The following OXCT1 variants were observed in gnomAD, a reference collection of about 807,000 sequenced individuals.
OXCT1 encodes the protein 3-oxoacid CoA-transferase 1, also known as succinyl-CoA:3-ketoacid coenzyme A transferase 1, mitochondrial.
Under a neutral mutation model 69.6 loss-of-function variants are expected in OXCT1, and 27 were observed. That is an observed-to-expected ratio of 0.39 (90% CI 0.29 to 0.54). OXCT1 has a LOEUF of 0.54. Among genes scored for constraint, OXCT1 ranks in the 20% least tolerant of loss-of-function variants. The pLI, the probability that OXCT1 is intolerant of heterozygous loss-of-function variation, is 0.72. For synonymous variants in OXCT1, 202 were observed against 217.8 expected, an observed-to-expected ratio of 0.93 and a Z score of 0.64; for missense variants, 437 against 650.2, an observed-to-expected ratio of 0.67 and a Z score of 3.57.
chr5:41,851,611 C>G lies in OXCT1; in HGVS notation c.415-1432G>C, dbSNP rs528892879. ...GATCCCCACCATCGATACTCCTCCC[C>G]CTAGCCTTCAGGCTGCAAAATAAGC... is the stretch of plus-strand genomic sequence containing the variant. On this transcript the variant is annotated intron_variant, in intron 4 of 16. Transcript: ENST00000196371. Among the ~76,000 whole-genome samples, 3 of 152,226 alleles carry G rather than the reference C, an allele frequency of 2.0e-5. No homozygotes were observed. In the East Asian group the frequency reaches 5.8e-4, roughly 29 times the overall value.
intron 13 of OXCT1, among the ~76,000 whole-genome samples, chr5:41,771,742 T>C (rs1294749944): frequency 6.6e-6 from 1 of 152,192 alleles, no homozygotes; most frequent in Non-Finnish European, 1.5e-5. Flanking sequence ...TGAATATAGC[T>C]AAGCACTGGA....
At chr5:41,859,625 G>T (rs1749623944) in intron 3 of OXCT1, among the ~76,000 whole-genome samples, 1 of 151,876 alleles carries the variant, frequency 6.6e-6, no homozygotes, top group Non-Finnish European at 1.5e-5. Context: ...CCCAGGAATT[G>T]GTTAGCCCTT....
chr5:41,861,082 A>C (rs1749709959), intron 3 of OXCT1, among the ~76,000 whole-genome samples: 1 of 152,142 alleles, frequency 6.6e-6, no homozygotes, highest in Admixed American at 6.6e-5. Context: ...ATAAAGTCTT[A>C]ATTTATATCT....
intron 7 of OXCT1, among the ~76,000 whole-genome samples, chr5:41,834,289 C>T (rs1448575306): frequency 1.3e-5 from 2 of 151,718 alleles, no homozygotes; most frequent in Non-Finnish European, 2.9e-5. Flanking sequence ...CAAAATGGCA[C>T]GAATAAGTCC....
intron 7 of OXCT1, among the ~76,000 whole-genome samples, chr5:41,835,157 T>C (rs1748290218): frequency 6.6e-6 from 1 of 152,058 alleles, no homozygotes; most frequent in Admixed American, 6.6e-5. Flanking sequence ...TTAAAACTCA[T>C]AAGAAATTCA....
At chr5:41,795,050 G>T (rs1579752477) in intron 11 of OXCT1, among the ~76,000 whole-genome samples, 1 of 152,138 alleles carries the variant, frequency 6.6e-6, no homozygotes, top group East Asian at 1.9e-4. Flanking sequence ...CGGTTTTATG[G>T]AAGACAATTT....
At chr5:41,814,356 C>G (rs1747127056) in intron 7 of OXCT1, among the ~76,000 whole-genome samples, 1 of 152,022 alleles carries the variant, frequency 6.6e-6, no homozygotes, top group Non-Finnish European at 1.5e-5. Context: ...TTTAGCTAAC[C>G]ACCAGCACAA....
chr5:41,867,533 G>C (rs1439468157), intron 1 of OXCT1, among the ~76,000 whole-genome samples: 3 of 152,208 alleles, frequency 2.0e-5, no homozygotes, highest in African/African-American at 7.2e-5. Flanking sequence ...GTGATCAATT[G>C]GAAGTGCAGC....
At chr5:41,805,350 C>A (rs1410389494) in intron 9 of OXCT1, among the ~76,000 whole-genome samples, 2 of 151,600 alleles carry the variant, frequency 1.3e-5, no homozygotes, top group African/African-American at 4.8e-5. Flanking sequence ...TTATTGATTG[C>A]CATTTTGTTT....
In OXCT1 at chr5:41,853,889, C is replaced by T. The variant is rs116569938; in HGVS notation, c.279-335G>A. On this transcript the variant is annotated intron_variant, in intron 3 of 16. Transcript: ENST00000196371. ...TACCCCGCACCTTTTGTTATTTTCA[C>T]GGCTGCAGAGTGATTCTGAGTTAGA... Among the ~76,000 whole-genome samples, 889 of 152,216 alleles carry T rather than the reference C, an allele frequency of 5.8e-3. 9 individuals carry two copies. The highest frequency in any genetic ancestry group is 0.02 in the African/African-American group (843 of 41,532).
At chr5:41,734,736 CTA>C (rs1440579120) in intron 16 of OXCT1, among the ~76,000 whole-genome samples, 1 of 152,090 alleles carries the variant, frequency 6.6e-6, no homozygotes, top group East Asian at 1.9e-4. Context: ...AGACAGAAGA[CTA>C]TATCGAACTT....
intron 7 of OXCT1, among the ~76,000 whole-genome samples, chr5:41,819,378 TG>T (rs201059180): frequency 1.3e-5 from 1 of 78,244 alleles, no homozygotes; most frequent in African/African-American, 4.8e-5. Flanking sequence ...TGGGGGGGAT[TG>T]GGGGGGCAGG....
chr5:41,838,169 G>C (rs184752826), intron 7 of OXCT1, among the ~76,000 whole-genome samples: 1 of 152,270 alleles, frequency 6.6e-6, no homozygotes, highest in African/African-American at 2.4e-5. Context: ...GGCCAGCGCA[G>C]GTAACGGAGT....
chr5:41,733,599 C>G (rs1277486942), intron 16 of OXCT1, among the ~76,000 whole-genome samples: 2 of 152,144 alleles, frequency 1.3e-5, no homozygotes, highest in East Asian at 3.9e-4. Context: ...TGCTTCATAG[C>G]ACTTCCTTTA....
chr5:41,844,541 T>C (rs1168765655), intron 5 of OXCT1, among the ~76,000 whole-genome samples: 1 of 152,052 alleles, frequency 6.6e-6, no homozygotes, highest in Non-Finnish European at 1.5e-5. Flanking sequence ...CGAGGTGCTC[T>C]GCACTCAGCC....
intron 1 of OXCT1, among the ~76,000 whole-genome samples, chr5:41,865,665 C>T (rs903881196): frequency 6.6e-6 from 1 of 152,088 alleles, no homozygotes; most frequent in Non-Finnish European, 1.5e-5. Context: ...CTTCAAATTC[C>T]AATTCTGCCA....
At chr5:41,760,405 A>C (rs1470688597) in intron 14 of OXCT1, among the ~76,000 whole-genome samples, 1 of 152,108 alleles carries the variant, frequency 6.6e-6, no homozygotes, top group Non-Finnish European at 1.5e-5. Flanking sequence ...AAGAAGTAAA[A>C]AATATGATCT....
intron 7 of OXCT1, among the ~76,000 whole-genome samples, chr5:41,812,172 A>T (rs1171315298): frequency 6.6e-6 from 1 of 152,108 alleles, no homozygotes; most frequent in East Asian, 1.9e-4. Context: ...TAGAAATGAC[A>T]GAAATTTTGA....
chr5:41,799,643 A>G (rs771904304), intron 11 of OXCT1, among the ~76,000 whole-genome samples: 36 of 152,212 alleles, frequency 2.4e-4, no homozygotes, highest in Non-Finnish European at 4.7e-4. Flanking sequence ...TCATTTTGCA[A>G]ATAACTCACT....
Sources: gnomAD v4.1 joint callset for allele counts (sites outside exome capture counted in the v4.1 genomes callset) on GRCh38, gnomAD v4.1.1 for gene constraint, MANE v1.5 for transcripts, NCBI Gene and HGNC (gene_info 2026-07-23, HGNC 2026-07-21) for gene names.